Variants in NEK10 observed in about 807,000 individuals in gnomAD.
NEK10 encodes NIMA related kinase 10, also known as serine/threonine-protein kinase Nek10.
In NEK10, 122 loss-of-function variants were observed where a neutral mutation model predicts 159.8. That is an observed-to-expected ratio of 0.76 (90% CI 0.66 to 0.89). The LOEUF (loss-of-function observed/expected upper bound fraction) is 0.89, where lower values mean the gene tolerates loss of function less well. NEK10 is among the 40% of genes least tolerant of loss of function. The pLI, the probability that NEK10 is intolerant of heterozygous loss-of-function variation, is 0.00. For synonymous variants in NEK10, 466 were observed against 457.1 expected (o/e 1.02, Z -0.25); for missense variants, 1,342 against 1,323.1 (o/e 1.01, Z -0.22).
chr3:27,353,895 A>T (rs2048147881), intron 1 of NEK10, among the ~76,000 whole-genome samples: 1 of 152,140 alleles, frequency 6.6e-6, no homozygotes, highest in South Asian at 2.1e-4. Context: ...ATCTATTTTT[A>T]CTCTAAAAGA....
intron 9 of NEK10, chr3:27,310,100 CT>C (rs2044571121): frequency 6.6e-6 from 1 of 152,106 alleles, no homozygotes; most frequent in Non-Finnish European, 1.5e-5. Context: ...GATTTTTTGC[CT>C]TTATGATTTC....
intron 31 of NEK10, among the ~76,000 whole-genome samples, chr3:27,132,337 T>C (rs1018608877): frequency 3.9e-5 from 6 of 152,234 alleles, no homozygotes; most frequent in Non-Finnish European, 8.8e-5. Flanking sequence ...ATCAGATGTT[T>C]AGGTGCTTAT....
intron 6 of NEK10, among the ~76,000 whole-genome samples, chr3:27,316,421 G>T (rs372823912): frequency 1.4e-4 from 22 of 152,266 alleles, no homozygotes; most frequent in African/African-American, 4.3e-4. Context: ...ACTAACACAG[G>T]GGGAGAGAAA....
intron 28 of NEK10, among the ~76,000 whole-genome samples, chr3:27,173,734 T>C (rs1262784197): frequency 6.6e-6 from 1 of 152,204 alleles, no homozygotes; most frequent in Non-Finnish European, 1.5e-5. Context: ...CTATGGTTTT[T>C]AATATTTTAT....
At chr3:27,179,261 G>T (rs1467041665) in intron 26 of NEK10, among the ~76,000 whole-genome samples, 2 of 151,960 alleles carry the variant, frequency 1.3e-5, no homozygotes. Context: ...CTTTAGGTTG[G>T]ATCTTATTTA....
chr3:27,307,998 T>C (rs1425307944), intron 10 of NEK10, 53 bp from the exon 11 acceptor site: 6 of 863,294 alleles, frequency 7.0e-6, no homozygotes, highest in Non-Finnish European at 1.2e-5. Flanking sequence ...GCTAGATCCA[T>C]GTATTAGTCC....
intron 23 of NEK10, among the ~76,000 whole-genome samples, chr3:27,254,898 T>C (rs1173878314): frequency 6.7e-6 from 1 of 149,248 alleles, no homozygotes; most frequent in East Asian, 1.9e-4. Context: ...ACGTATTCTA[T>C]GGATTCTGTC....
chr3:27,162,843 T>C (rs1195410139), intron 29 of NEK10, 105 bp from the exon 30 acceptor site: 6 of 1,471,420 alleles, frequency 4.1e-6, no homozygotes, highest in Non-Finnish European at 3.7e-6. Context: ...TTAATAGAGA[T>C]TATTTTCCCT....
intron 30 of NEK10, among the ~76,000 whole-genome samples, chr3:27,144,864 G>A (rs981270609): frequency 6.6e-6 from 1 of 152,092 alleles, no homozygotes; most frequent in Non-Finnish European, 1.5e-5. Flanking sequence ...TGGGACCACA[G>A]GCATGCACCA....
At chr3:27,229,052 A>C (rs1279899776) in intron 23 of NEK10, among the ~76,000 whole-genome samples, 1 of 152,162 alleles carries the variant, frequency 6.6e-6, no homozygotes, top group African/African-American at 2.4e-5. Flanking sequence ...TGAAGCGTGA[A>C]TCATCAACTC....
intron 3 of NEK10, among the ~76,000 whole-genome samples, chr3:27,346,770 A>G (rs1392886715): frequency 1.3e-5 from 2 of 152,242 alleles, no homozygotes; most frequent in Non-Finnish European, 2.9e-5. Flanking sequence ...GGATATAACA[A>G]TAAAGAAGAT....
chr3:27,173,991 A>T (rs1164199867), intron 28 of NEK10, among the ~76,000 whole-genome samples: 1 of 152,166 alleles, frequency 6.6e-6, no homozygotes. Flanking sequence ...CTCTAAAAAA[A>T]TTTCTTTTAT....
chr3:27,175,793 A>C (rs1335900189), intron 26 of NEK10, among the ~76,000 whole-genome samples: 5 of 152,198 alleles, frequency 3.3e-5, no homozygotes, highest in Admixed American at 3.3e-4. Flanking sequence ...GGAAAGGATA[A>C]CAGGCAGAGA....
chr3:27,242,859 C>A (rs1048617072), intron 23 of NEK10, among the ~76,000 whole-genome samples: 1 of 152,106 alleles, frequency 6.6e-6, no homozygotes, highest in Non-Finnish European at 1.5e-5. Flanking sequence ...CAAAACTTAA[C>A]TGCCAAATGT....
chr3:27,312,224 CCCA>C (rs1233817588), intron 7 of NEK10, 47 bp from the exon 8 acceptor site: 1 of 1,220,236 alleles, frequency 8.2e-7, no homozygotes, highest in African/African-American at 1.5e-5. Context: ...ACCAAAAGCA[CCCA>C]AGGAAGCAAG....
At chr3:27,149,819 G>A (rs1268396640) in intron 30 of NEK10, among the ~76,000 whole-genome samples, 5 of 152,200 alleles carry the variant, frequency 3.3e-5, no homozygotes, top group Non-Finnish European at 7.3e-5. Context: ...AAAGCTTAGT[G>A]AGGAAGGCAT....
intron 22 of NEK10, among the ~76,000 whole-genome samples, chr3:27,279,895 C>T (rs927726093): frequency 2.0e-5 from 3 of 151,954 alleles, no homozygotes; most frequent in South Asian, 2.1e-4. Context: ...GTAGGCCGAG[C>T]GCGGTGGCTC....
chr3:27,224,552 A>G (rs1375213767), intron 23 of NEK10, among the ~76,000 whole-genome samples: 2 of 152,230 alleles, frequency 1.3e-5, no homozygotes, highest in East Asian at 1.9e-4. Context: ...GTCCCATAAG[A>G]TCTGTCCAGA....
At chr3:27,173,176 TAAAC>T (rs1947173847) in intron 28 of NEK10, among the ~76,000 whole-genome samples, 1 of 152,182 alleles carries the variant, frequency 6.6e-6, no homozygotes, top group Non-Finnish European at 1.5e-5. Flanking sequence ...GCAAATGTGC[TAAAC>T]AAACAAAAAC....
Sources: allele counts gnomAD v4.1 joint callset (sites outside exome capture counted in the v4.1 genomes callset), GRCh38; gene constraint gnomAD v4.1.1; transcripts MANE v1.5; gene names NCBI Gene and HGNC (gene_info 2026-07-23, HGNC 2026-07-21).